The following INSC variants were observed in gnomAD, a reference collection of about 807,000 sequenced individuals.
INSC encodes the protein INSC spindle orientation adaptor protein, also known as protein inscuteable homolog.
INSC carries 67 observed loss-of-function variants against 58.6 expected under a neutral mutation model. The ratio of observed to expected loss-of-function variants is 1.14; its 90% CI spans 0.94 to 1.40. The LOEUF (loss-of-function observed/expected upper bound fraction) is 1.40. INSC is among the 40% of genes most tolerant of loss of function. The pLI is 0.00. For synonymous variants in INSC, 262 were observed against 276.1 expected (o/e 0.95, Z 0.51); for missense variants, 714 against 692.0 (o/e 1.03, Z -0.36).
chr11:15,250,105 T>C (rs1005444924), downstream of INSC, among the ~76,000 whole-genome samples: 5 of 152,216 alleles, frequency 3.3e-5, no homozygotes, highest in Admixed American at 2.6e-4. Context: ...TACATCTATA[T>C]ACTGTGTCTA....
At chr11:15,132,615 T>A (rs1051190854) in intron 1 of INSC, among the ~76,000 whole-genome samples, 2 of 152,194 alleles carry the variant, frequency 1.3e-5, no homozygotes, top group Non-Finnish European at 2.9e-5. Flanking sequence ...TAAAGTTTCT[T>A]TGGATTTACC....
chr11:15,161,849 C>G (rs1025009609), intron 2 of INSC, among the ~76,000 whole-genome samples: 2 of 152,156 alleles, frequency 1.3e-5, no homozygotes, highest in African/African-American at 4.8e-5. Flanking sequence ...TTAGAGTAGT[C>G]ACATTTCCTT....
At chr11:15,200,166 C>T (rs1466833111) in intron 6 of INSC, among the ~76,000 whole-genome samples, 1 of 145,862 alleles carries the variant, frequency 6.9e-6, no homozygotes, top group Non-Finnish European at 1.5e-5. Flanking sequence ...CACACACACA[C>T]ACACACACAC....
upstream of INSC, among the ~76,000 whole-genome samples, chr11:15,114,716 C>T (rs58558919): frequency 7.2e-5 from 11 of 152,198 alleles, no homozygotes; most frequent in South Asian, 2.1e-4. Flanking sequence ...TGTTTCCCCC[C>T]CCAGGGGCAC....
At chr11:15,173,913 C>T (rs956332363) in intron 2 of INSC, among the ~76,000 whole-genome samples, 4 of 152,168 alleles carry the variant, frequency 2.6e-5, no homozygotes, top group Non-Finnish European at 4.4e-5. Flanking sequence ...TTTTTAACCT[C>T]GATAACTGGA....
In INSC at chr11:15,134,689, A is replaced by G. The variant is rs188971591; in HGVS notation, c.-45-14441A>G. ...AGCATTTACTTTAGTTCTCACAATT[A>G]GTCTCATTAATTAAGACTAGTTGCT... On this transcript the variant is annotated intron_variant, in intron 1 of 12. Coordinates refer to ENST00000379556, the MANE Select transcript of INSC (RefSeq NM_001042536.3). Among the ~76,000 whole-genome samples, 5 of 152,342 alleles carry G rather than the reference A, an allele frequency of 3.3e-5. No homozygotes were observed. The East Asian group carries it at 9.6e-4, about 29-fold the overall frequency.
At chr11:15,241,152 C>T (rs141859905) in intron 12 of INSC, among the ~76,000 whole-genome samples, 3 of 152,108 alleles carry the variant, frequency 2.0e-5, no homozygotes, top group Non-Finnish European at 4.4e-5. Context: ...ATGCATGCTT[C>T]GTCTATATAT....
the INSC span, among the ~76,000 whole-genome samples, chr11:15,253,067 A>C: frequency 0.01 from 1,550 of 152,306 alleles, 32 homozygotes; most frequent in African/African-American, 0.036. Context: ...ACAAAGCCAG[A>C]AATAATTGCA....
intron 7 of INSC, among the ~76,000 whole-genome samples, chr11:15,213,649 A>G (rs952425636): frequency 9.9e-5 from 15 of 151,984 alleles, no homozygotes; most frequent in Non-Finnish European, 2.2e-4. Flanking sequence ...ATTGCTTTCC[A>G]CCTTAATTAC....
chr11:15,260,891 G>A, the INSC span, among the ~76,000 whole-genome samples: 2 of 152,238 alleles, frequency 1.3e-5, no homozygotes, highest in Admixed American at 6.5e-5. Context: ...TTATATATAG[G>A]AGCTACAAAT....
chr11:15,226,028 C>T (rs568300929), intron 9 of INSC, among the ~76,000 whole-genome samples, 200 bp downstream of exon 9: 67 of 152,234 alleles, frequency 4.4e-4, no homozygotes, highest in African/African-American at 1.6e-3. Flanking sequence ...TTTGCCCATC[C>T]CATTATGAGC....
intron 1 of INSC, among the ~76,000 whole-genome samples, chr11:15,116,175 A>C (rs1402788154): frequency 6.6e-6 from 1 of 152,136 alleles, no homozygotes; most frequent in African/African-American, 2.4e-5. Context: ...ACTTCCAAAC[A>C]CTGCCTTTGG....
intron 9 of INSC, among the ~76,000 whole-genome samples, chr11:15,231,977 A>T (rs1191254679): frequency 6.6e-6 from 1 of 152,228 alleles, no homozygotes; most frequent in Non-Finnish European, 1.5e-5. Context: ...GTGTGCTGAC[A>T]TCAAAAGGCC....
chr11:15,235,656 A>C lies in INSC; in HGVS notation c.1225A>C (p.Ile409Leu), dbSNP rs748171101. ...CCTAGAACAGTGTGCCTCTGACATC[A>C]TTCAGGAAAATGGTATGTCTTTGCA... ...SVLEQCASDI[I>L]QENGVQLIMG... is the part of the protein sequence containing the mutation. Residue 409 changes from isoleucine (I) to leucine (L), a missense_variant, in exon 10 of 13, where the codon ATT (isoleucine) becomes CTT (leucine). Transcript: ENST00000379556. 6 of 1,613,324 alleles carry C rather than the reference A, an allele frequency of 3.7e-6. No individual in the cohort carries two copies. The South Asian group carries it at 5.5e-5, about 15-fold the overall frequency.
intron 6 of INSC, among the ~76,000 whole-genome samples, chr11:15,199,592 G>T (rs1850501022): frequency 1.3e-5 from 2 of 152,186 alleles, no homozygotes; most frequent in African/African-American, 4.8e-5. Flanking sequence ...TGCTTTTGTT[G>T]TCAGAGTTCT....
Position 15,188,415 on chromosome 11 carries a change from G to A in INSC, c.580-2286G>A, listed in dbSNP as rs753708667. Reference sequence around the variant, plus strand: ...GTCAAATTCAGAGGGGTCAGGGCCCGGCTCCTCCCAAGACCACATAGGTAA... The same window carrying A: ...GTCAAATTCAGAGGGGTCAGGGCCCAGCTCCTCCCAAGACCACATAGGTAA... On this transcript the variant is annotated intron_variant, in intron 5 of 12. Transcript: ENST00000379556. The A allele has an allele frequency of 5.3e-5, 50 of 943,368 alleles. 2 individuals carry two copies. Among genetic ancestry groups the A allele is most frequent in the African/African-American group, 1.6e-4 (9 of 56,346 alleles). The allele number at this position is 943,368 out of a possible 1,614,324, so 58.4% of individuals were successfully genotyped here.
chr11:15,205,662 A>C (rs1850766140), intron 7 of INSC, among the ~76,000 whole-genome samples: 1 of 151,818 alleles, frequency 6.6e-6, no homozygotes, highest in African/African-American at 2.4e-5. Context: ...ACACATGGAG[A>C]AGTTGGGTGG....
At chr11:15,157,055 T>G (rs1411787783) in intron 2 of INSC, among the ~76,000 whole-genome samples, 1 of 152,168 alleles carries the variant, frequency 6.6e-6, no homozygotes, top group African/African-American at 2.4e-5. Context: ...GGTCCCCTCA[T>G]TCCAGATGTT....
chr11:15,168,089 C>T (rs1564880866), intron 2 of INSC, among the ~76,000 whole-genome samples: 1 of 152,184 alleles, frequency 6.6e-6, no homozygotes, highest in Non-Finnish European at 1.5e-5. Context: ...TCATCCCTCT[C>T]TCTGCTCATC....
Sources: gnomAD v4.1 joint callset for allele counts (sites outside exome capture counted in the v4.1 genomes callset) on GRCh38, gnomAD v4.1.1 for gene constraint, MANE v1.5 for transcripts, NCBI Gene and HGNC (gene_info 2026-07-23, HGNC 2026-07-21) for gene names.